BANK1: variants seen among roughly 807,000 people sequenced by gnomAD.
BANK1 encodes the protein B cell scaffold protein with ankyrin repeats 1, also known as B-cell scaffold protein with ankyrin repeats.
In BANK1, 95 loss-of-function variants were observed where a neutral mutation model predicts 94.5. The ratio of observed to expected loss-of-function variants is 1.00; its 90% CI spans 0.85 to 1.19. The LOEUF (loss-of-function observed/expected upper bound fraction) is 1.19, where lower values mean the gene tolerates loss of function less well. Ranked by LOEUF, BANK1 falls within the 50% of genes most tolerant of loss-of-function variation. BANK1 has a pLI of 0.00. For synonymous variants in BANK1, 334 were observed against 308.4 expected (o/e 1.08, Z -0.87); for missense variants, 987 against 932.2 (o/e 1.06, Z -0.77).
chr4:101,814,901 C>G (rs1725850220), intron 1 of BANK1, among the ~76,000 whole-genome samples: 1 of 152,092 alleles, frequency 6.6e-6, no homozygotes, highest in Admixed American at 6.6e-5. Flanking sequence ...AAATGTGGCA[C>G]ATTTATTATA....
chr4:101,897,365 T>C (rs987897568), intron 6 of BANK1, among the ~76,000 whole-genome samples: 1 of 151,994 alleles, frequency 6.6e-6, no homozygotes, highest in African/African-American at 2.4e-5. Flanking sequence ...TGTTTTTATA[T>C]GTAAAGAATT....
chr4:102,001,195 C>T (rs1726057170), intron 7 of BANK1, among the ~76,000 whole-genome samples: 1 of 152,178 alleles, frequency 6.6e-6, no homozygotes, highest in Non-Finnish European at 1.5e-5. Flanking sequence ...CGTTCATTTC[C>T]CTGGCATGGG....
At chr4:102,071,595 T>C (rs1208023555) in intron 14 of BANK1, among the ~76,000 whole-genome samples, 1 of 152,220 alleles carries the variant, frequency 6.6e-6, no homozygotes, top group African/African-American at 2.4e-5. Flanking sequence ...ACTTACGCTC[T>C]GTGGGCCTCG....
chr4:101,897,108 G>C (rs1388836433), intron 6 of BANK1, among the ~76,000 whole-genome samples: 1 of 151,866 alleles, frequency 6.6e-6, no homozygotes, highest in East Asian at 1.9e-4. Flanking sequence ...TTTGGTAATT[G>C]ACCCATCTCC....
intron 11 of BANK1, among the ~76,000 whole-genome samples, chr4:102,044,349 G>A (rs1727804438): frequency 6.6e-6 from 1 of 152,166 alleles, no homozygotes; most frequent in Non-Finnish European, 1.5e-5. Flanking sequence ...TGTCCCTACA[G>A]AGGATATGAA....
At chr4:101,856,991 A>G (rs1727702900) in intron 3 of BANK1, among the ~76,000 whole-genome samples, 1 of 152,156 alleles carries the variant, frequency 6.6e-6, no homozygotes, top group Admixed American at 6.6e-5. Context: ...TGAATCCATA[A>G]GACTATTGCC....
Position 101,979,176 on chromosome 4 carries a change from T to C in BANK1, c.1207-42338T>C, listed in dbSNP as rs531499512. Among the ~76,000 whole-genome samples, 34 of 152,100 alleles carry C rather than the reference T, an allele frequency of 2.2e-4. No homozygotes were observed. In the South Asian group the frequency reaches 3.5e-3, roughly 16 times the overall value. On this transcript the variant is annotated intron_variant, in intron 7 of 16. Transcript: ENST00000322953. ...AAGATAAAGTTTGCAAGATAATACC[T>C]GATGTAATGTTCTATTCTCTGAAAA...
At chr4:102,029,850 C>T (rs1727228126) in intron 9 of BANK1, 110 bp from the exon 10 acceptor site, 19 of 956,608 alleles carry the variant, frequency 2.0e-5, no homozygotes, top group Non-Finnish European at 2.8e-5. Context: ...ATACTGTTTC[C>T]TACGGCACTT....
At chr4:101,882,014 A>G (rs1238957707) in intron 5 of BANK1, among the ~76,000 whole-genome samples, 1 of 152,090 alleles carries the variant, frequency 6.6e-6, no homozygotes, top group Non-Finnish European at 1.5e-5. Context: ...TGATAACACA[A>G]CAGAGTGATT....
At chr4:101,964,974 T>G (rs550912727) in intron 7 of BANK1, among the ~76,000 whole-genome samples, 3 of 140,734 alleles carry the variant, frequency 2.1e-5, no homozygotes, top group South Asian at 2.3e-4. Flanking sequence ...GTCCATGTGT[T>G]CTCATTGTTC....
intron 7 of BANK1, among the ~76,000 whole-genome samples, chr4:102,005,782 A>G (rs946254200): frequency 1.3e-5 from 2 of 151,956 alleles, no homozygotes; most frequent in African/African-American, 4.8e-5. Flanking sequence ...TTAATACCCC[A>G]TTTTACAGAT....
chr4:102,014,117 C>T (rs923526486), intron 7 of BANK1, among the ~76,000 whole-genome samples: 4 of 152,108 alleles, frequency 2.6e-5, no homozygotes, highest in Admixed American at 1.3e-4. Context: ...TTAACCTATA[C>T]AACCTAAAGA....
At chr4:101,827,998 T>C (rs1407282365) in intron 1 of BANK1, among the ~76,000 whole-genome samples, 1 of 151,930 alleles carries the variant, frequency 6.6e-6, no homozygotes, top group Non-Finnish European at 1.5e-5. Context: ...CTCCAGGATA[T>C]TTAAATCTCA....
intron 5 of BANK1, among the ~76,000 whole-genome samples, chr4:101,876,932 T>C (rs904213427): frequency 2.0e-5 from 3 of 151,820 alleles, no homozygotes; most frequent in Non-Finnish European, 4.4e-5. Context: ...AGTCTTTTAA[T>C]AGCAGAATTG....
intron 2 of BANK1, among the ~76,000 whole-genome samples, chr4:101,841,294 A>G (rs1490231923): frequency 6.6e-6 from 1 of 152,200 alleles, no homozygotes; most frequent in Admixed American, 6.5e-5. Flanking sequence ...ATTTTGGCAT[A>G]TTTCATTCCA....
intron 7 of BANK1, among the ~76,000 whole-genome samples, chr4:102,005,228 A>C (rs1231397420): frequency 6.6e-6 from 1 of 152,148 alleles, no homozygotes; most frequent in Non-Finnish European, 1.5e-5. Flanking sequence ...CTTTTGTATA[A>C]GAATTTCAAC....
intron 14 of BANK1, 36 bp downstream of exon 14, chr4:102,071,340 AAAAC>A (rs1281371837): frequency 3.8e-6 from 6 of 1,592,978 alleles, no homozygotes; most frequent in Non-Finnish European, 4.3e-6. Flanking sequence ...ATCTAAGACT[AAAAC>A]AAAGTACAGA....
intron 1 of BANK1, among the ~76,000 whole-genome samples, chr4:101,807,906 C>T (rs1185332245): frequency 2.0e-5 from 3 of 151,586 alleles, no homozygotes; most frequent in Admixed American, 2.0e-4. Context: ...CATGGTGAAA[C>T]CCCGTCTCTA....
chr4:101,971,818 C>T (rs1332570559), intron 7 of BANK1, among the ~76,000 whole-genome samples: 1 of 152,018 alleles, frequency 6.6e-6, no homozygotes, highest in Non-Finnish European at 1.5e-5. Context: ...CACTTCTGGG[C>T]TATCTGTTCT....
Sources: gnomAD v4.1 joint callset for allele counts (sites outside exome capture counted in the v4.1 genomes callset) on GRCh38, gnomAD v4.1.1 for gene constraint, MANE v1.5 for transcripts, NCBI Gene and HGNC (gene_info 2026-07-23, HGNC 2026-07-21) for gene names.